Variants in ZNF236 observed in about 807,000 individuals in gnomAD.
The protein encoded by ZNF236 is regulated by glucose.
Under a neutral mutation model 191.2 loss-of-function variants are expected in ZNF236, and 50 were observed. The ratio of observed to expected loss-of-function variants is 0.26; its 90% CI spans 0.21 to 0.33. The LOEUF is 0.33. ZNF236 is among the 10% of genes least tolerant of loss of function. The pLI is 1.00. For synonymous variants in ZNF236, 907 were observed against 928.8 expected, an observed-to-expected ratio of 0.98 and a Z score of 0.43; for missense variants, 1,754 against 2,374.5, an observed-to-expected ratio of 0.74 and a Z score of 5.43.
intron 18 of ZNF236, among the ~76,000 whole-genome samples, chr18:76,915,041 A>C (rs8086010): frequency 0.33 from 49,472 of 151,974 alleles, 8,172 homozygotes; most frequent in Admixed American, 0.36. Flanking sequence ...TTTGAAGGAC[A>C]TGCTACGGAG....
At chr18:76,933,504 C>G (rs577772519) in intron 25 of ZNF236, among the ~76,000 whole-genome samples, 25 of 150,868 alleles carry the variant, frequency 1.7e-4, no homozygotes, top group African/African-American at 6.1e-4. Flanking sequence ...AAATCAGTCT[C>G]TCTCTCTCAC....
intron 1 of ZNF236, chr18:76,841,208 A>G (rs907970870): frequency 6.6e-6 from 1 of 151,554 alleles, no homozygotes; most frequent in Admixed American, 6.6e-5. Context: ...AAGTGCTGGG[A>G]TTGCAGGCGT....
In ZNF236 at chr18:76,910,831, T is replaced by G. The variant is rs1183301304; in HGVS notation, c.2805+20T>G. Reference sequence around the variant, plus strand: ...AATGTAGTGAGTATGGACAGAGGGGTGCATACATGGCAGTATTTAGCAGGT... The same window carrying G: ...AATGTAGTGAGTATGGACAGAGGGGGGCATACATGGCAGTATTTAGCAGGT... On this transcript the variant is annotated intron_variant, in intron 16 of 30. Coordinates refer to ENST00000320610, the MANE Select transcript of ZNF236 (RefSeq NM_001306089.2). The G allele has an allele frequency of 6.2e-7, 1 of 1,613,150 alleles. No homozygotes were observed. Among genetic ancestry groups the G allele is most frequent in the South Asian group, 1.1e-5 (1 of 90,898 alleles).
At chr18:76,844,957 A>T (rs1975629906) in intron 1 of ZNF236, among the ~76,000 whole-genome samples, 1 of 152,186 alleles carries the variant, frequency 6.6e-6, no homozygotes, top group Non-Finnish European at 1.5e-5. Flanking sequence ...GCATTGAATA[A>T]AGAGATGGCC....
chr18:76,958,260 CAGAG>C (rs779859043), intron 28 of ZNF236, among the ~76,000 whole-genome samples: 5 of 152,334 alleles, frequency 3.3e-5, no homozygotes, highest in East Asian at 3.9e-4. Context: ...GCCATTGTCT[CAGAG>C]AGCACTTTCT....
chr18:76,937,079 G>A (rs533042031), intron 25 of ZNF236, 77 bp from the exon 26 acceptor site: 2 of 1,370,946 alleles, frequency 1.5e-6, no homozygotes, highest in African/African-American at 2.9e-5. Flanking sequence ...GCAGGTGGGA[G>A]CATCGCTCTC....
At chr18:76,845,933 C>T (rs1975663148) in intron 1 of ZNF236, among the ~76,000 whole-genome samples, 1 of 152,138 alleles carries the variant, frequency 6.6e-6, no homozygotes. Context: ...TCTTTGATCA[C>T]TGGTCCCCTA....
At chr18:76,918,753 C>G (rs186663533) in intron 19 of ZNF236, among the ~76,000 whole-genome samples, 1 of 152,168 alleles carries the variant, frequency 6.6e-6, no homozygotes, top group Non-Finnish European at 1.5e-5. Context: ...TGGACTCTTG[C>G]TGTGTGGCCC....
At chr18:76,824,081 C>T in intron 1 of ZNF236, 1 of 530,794 alleles carries the variant, frequency 1.9e-6, no homozygotes, top group South Asian at 2.4e-5. Flanking sequence ...AAGTGTTCCC[C>T]TTTTCTTGGG....
intron 1 of ZNF236, among the ~76,000 whole-genome samples, chr18:76,837,375 G>C (rs1373296490): frequency 6.7e-6 from 1 of 149,824 alleles, no homozygotes; most frequent in Non-Finnish European, 1.5e-5. Flanking sequence ...TCTTTGATCT[G>C]ATTTAATTTT....
chr18:76,850,456 T>G (rs568142732), intron 2 of ZNF236, among the ~76,000 whole-genome samples: 2 of 152,304 alleles, frequency 1.3e-5, no homozygotes, highest in South Asian at 4.1e-4. Flanking sequence ...TTATTCCTCA[T>G]TAGGATCTTG....
At chr18:76,957,914 A>T (rs1204084815) in intron 28 of ZNF236, among the ~76,000 whole-genome samples, 3 of 152,252 alleles carry the variant, frequency 2.0e-5, no homozygotes, top group Non-Finnish European at 4.4e-5. Context: ...TTGCAACACA[A>T]GCCAAAGTTG....
intron 1 of ZNF236, among the ~76,000 whole-genome samples, chr18:76,829,445 G>A (rs1236824808): frequency 2.0e-5 from 3 of 151,266 alleles, no homozygotes; most frequent in Admixed American, 6.6e-5. Context: ...CTCTCACTTC[G>A]GCCTCCTGAG....
At position 76,919,561 on chromosome 18, in the gene ZNF236, G is replaced by A. The variant is rs767706711; in HGVS notation, c.3275-215G>A. 1.1e-4 allele frequency among the ~76,000 whole-genome samples: 16 copies of A among 150,800 alleles called. No individual in the cohort carries two copies. The highest frequency in any genetic ancestry group is 1.5e-4 in the Non-Finnish European group (10 of 67,792). On this transcript the variant is annotated intron_variant, in intron 19 of 30. Coordinates refer to ENST00000320610, the MANE Select transcript of ZNF236 (RefSeq NM_001306089.2). This position sits in a 1 kb window ranked among gnomAD's most constrained non-coding sequence, Gnocchi z 5.3. ...CTTCACCAACCTCTGTTCATCCCCC[G>A]CCCCCCACTTTCCAGTACACTTGGC...
chr18:76,864,736 G>A (rs192578219), intron 3 of ZNF236, among the ~76,000 whole-genome samples: 3 of 150,784 alleles, frequency 2.0e-5, no homozygotes, highest in Non-Finnish European at 4.4e-5. Context: ...AGGGAAAACG[G>A]TACAAGACTC....
At chr18:76,864,934 G>A (rs923415247) in intron 3 of ZNF236, among the ~76,000 whole-genome samples, 3 of 152,028 alleles carry the variant, frequency 2.0e-5, no homozygotes, top group African/African-American at 7.2e-5. Flanking sequence ...AGTAATCCAG[G>A]AAGGGAAGAA....
intron 1 of ZNF236, among the ~76,000 whole-genome samples, chr18:76,833,950 C>A (rs564782267): frequency 1.3e-5 from 2 of 152,258 alleles, no homozygotes; most frequent in Admixed American, 1.3e-4. Flanking sequence ...CTCGGCCTCC[C>A]AAACTGCTGG....
chr18:76,875,651 G>T lies in ZNF236; in HGVS notation c.827G>T (p.Arg276Leu), dbSNP rs1461366742. 6.3e-7 allele frequency: 1 copy of T among 1,587,960 alleles called. No individual in the cohort carries two copies. The highest frequency in any genetic ancestry group is 8.6e-7 in the Non-Finnish European group (1 of 1,164,934). The change falls in exon 6 of 31, where the codon CGA (arginine) becomes CTA (leucine). Residue 276 changes from arginine to leucine, a missense_variant. This residue lies in a region of ZNF236 where 336 missense variants were observed against 495.1 expected (regional missense o/e 0.68). Coordinates refer to ENST00000320610, the MANE Select transcript of ZNF236 (RefSeq NM_001306089.2). The surrounding 1 kb of genome is among the most constrained non-coding windows in gnomAD (Gnocchi z 4.3). ...QKGNLQSHVQ[R>L]VHSEVKNGPT... ...GGGAATCTTCAGTCGCACGTGCAGCGAGTCCACTCAGAGGTAAACACGGGT... is the reference window on the plus strand; with the variant it reads ...GGGAATCTTCAGTCGCACGTGCAGCTAGTCCACTCAGAGGTAAACACGGGT...
chr18:76,958,004 C>T (rs1968562929), intron 28 of ZNF236, among the ~76,000 whole-genome samples: 2 of 152,352 alleles, frequency 1.3e-5, no homozygotes, highest in African/African-American at 4.8e-5. Flanking sequence ...TTGAAACCTT[C>T]TGATGAATCT....
Sources: allele counts gnomAD v4.1 joint callset (sites outside exome capture counted in the v4.1 genomes callset), GRCh38; gene constraint gnomAD v4.1.1; regional missense constraint gnomAD v4.1.1; non-coding constraint Gnocchi (gnomAD v3.1); transcripts MANE v1.5; gene names NCBI Gene and HGNC (gene_info 2026-07-23, HGNC 2026-07-21).